The following SV2B variants were observed in gnomAD, a reference collection of about 807,000 sequenced individuals.
SV2B encodes solute carrier family 22 member B2.
A neutral mutation model predicts 73.9 loss-of-function variants in SV2B; 41 were observed. The ratio of observed to expected loss-of-function variants is 0.56; its 90% CI spans 0.43 to 0.72. SV2B has a LOEUF of 0.72. Ranked by LOEUF, SV2B falls within the 30% of genes least tolerant of loss-of-function variation. The pLI, the probability that SV2B is intolerant of heterozygous loss-of-function variation, is 0.00. For missense variants in SV2B, 764 were observed against 857.8 expected (o/e 0.89, Z 1.37); for synonymous variants, 314 against 314.2 (o/e 1.00, Z 0.01).
intron 1 of SV2B, among the ~76,000 whole-genome samples, chr15:91,150,524 T>A (rs1413818154): frequency 3.3e-5 from 5 of 152,254 alleles, no homozygotes; most frequent in African/African-American, 1.2e-4. Context: ...TTTGTCCTTC[T>A]GTTATTAAAA....
intron 6 of SV2B, among the ~76,000 whole-genome samples, chr15:91,262,378 T>C (rs957706228): frequency 6.6e-6 from 1 of 152,244 alleles, no homozygotes; most frequent in African/African-American, 2.4e-5. Flanking sequence ...ATAAATTTTA[T>C]GGAAAATTCC....
intron 1 of SV2B, among the ~76,000 whole-genome samples, chr15:91,177,696 CTG>C (rs1478516510): frequency 8.3e-5 from 10 of 121,018 alleles, no homozygotes; most frequent in African/African-American, 2.3e-4. Context: ...CTCTGTTTGT[CTG>C]TTATTGGTGT....
intron 9 of SV2B, among the ~76,000 whole-genome samples, chr15:91,278,339 T>C (rs1415561649): frequency 6.6e-6 from 1 of 152,012 alleles, no homozygotes; most frequent in African/African-American, 2.4e-5. Flanking sequence ...AGACTCTTCA[T>C]TTTTTGGAGG....
chr15:91,226,811 A>C, intron 2 of SV2B, 97 bp downstream of exon 2: 1 of 1,394,648 alleles, frequency 7.2e-7, no homozygotes, highest in Non-Finnish European at 9.6e-7. Flanking sequence ...ATATATCACA[A>C]TGTACCCATT....
chr15:91,213,437 C>T (rs1355794711), intron 1 of SV2B, among the ~76,000 whole-genome samples: 3 of 152,116 alleles, frequency 2.0e-5, no homozygotes, highest in African/African-American at 7.2e-5. Flanking sequence ...CTCTCTGAGC[C>T]TTAGTTATCT....
intron 1 of SV2B, among the ~76,000 whole-genome samples, chr15:91,172,898 C>G (rs892428834): frequency 6.6e-6 from 1 of 151,904 alleles, no homozygotes; most frequent in Admixed American, 6.6e-5. Context: ...GCCAAGTACA[C>G]CGAGATGAGT....
intron 1 of SV2B, among the ~76,000 whole-genome samples, chr15:91,207,104 G>T (rs535655166): frequency 4.0e-5 from 6 of 151,834 alleles, no homozygotes; most frequent in African/African-American, 1.4e-4. Flanking sequence ...AGCTCTCACT[G>T]CAGTCTTCCC....
At position 91,207,962 on chromosome 15, in the gene SV2B, G is replaced by A. The variant is rs151002653; in HGVS notation, c.-391-17911G>A. Among the ~76,000 whole-genome samples, 16 of 152,278 alleles carry A rather than the reference G, an allele frequency of 1.1e-4. No individual in the cohort carries two copies. The East Asian group carries it at 1.3e-3, about 13-fold the overall frequency. ...GAGAGTGACTTTCCCAGGTTTTATC[G>A]CCTGCATCAGGGAAGAAGGGGCAAG... On this transcript the variant is annotated intron_variant, in intron 1 of 12. Coordinates refer to ENST00000394232, the MANE Select transcript of SV2B (RefSeq NM_001323032.3).
intron 1 of SV2B, among the ~76,000 whole-genome samples, chr15:91,159,810 T>C (rs1046953158): frequency 2.6e-5 from 4 of 152,336 alleles, no homozygotes; most frequent in African/African-American, 9.6e-5. Flanking sequence ...AAATTATCAC[T>C]GTATGCTTCT....
Position 91,280,441 on chromosome 15 carries a change from G to T in SV2B, c.1374-1287G>T, listed in dbSNP as rs759035875. On this transcript the variant is annotated intron_variant, in intron 9 of 12. Coordinates refer to ENST00000394232, the MANE Select transcript of SV2B (RefSeq NM_001323032.3). The surrounding 1 kb of genome is among the most constrained non-coding windows in gnomAD (Gnocchi z 5.8). ...CATGACTTTCCTCTCTATACTCATA[G>T]CACCTAGTACCATGCTCAGTGTTTG... Among the ~76,000 whole-genome samples the T allele has an allele frequency of 3.9e-5, 6 of 152,188 alleles. No homozygotes were observed. The highest frequency in any genetic ancestry group is 1.5e-5 in the Non-Finnish European group (1 of 68,032).
intron 1 of SV2B, among the ~76,000 whole-genome samples, chr15:91,173,933 A>C (rs8036724): frequency 0.033 from 5,007 of 152,154 alleles, 309 homozygotes; most frequent in African/African-American, 0.11. Flanking sequence ...TTTCCATTTC[A>C]TCCTTGGGAT....
intron 11 of SV2B, among the ~76,000 whole-genome samples, chr15:91,286,388 A>G (rs16945519): frequency 0.028 from 4,257 of 152,280 alleles, 217 homozygotes; most frequent in African/African-American, 0.097. Flanking sequence ...TCTTGTTATC[A>G]GCGGAGTAGA....
At chr15:91,279,575 C>T (rs143199267) in intron 9 of SV2B, among the ~76,000 whole-genome samples, 12 of 152,178 alleles carry the variant, frequency 7.9e-5, no homozygotes, top group Admixed American at 2.0e-4. Flanking sequence ...GCCCTTTCTC[C>T]TTTTATCTCT....
chr15:91,201,716 G>A (rs897645206), intron 1 of SV2B, among the ~76,000 whole-genome samples: 1 of 152,164 alleles, frequency 6.6e-6, no homozygotes, highest in African/African-American at 2.4e-5. Context: ...TTCCTTTGTT[G>A]CTATCACATC....
rs548043040 is a variant in SV2B at position 91,289,371 on chromosome 15, C to G, written c.1709-150C>G. 5 of 979,638 alleles carry G rather than the reference C, an allele frequency of 5.1e-6. No homozygotes were observed. The highest frequency in any genetic ancestry group is 4.8e-5 in the African/African-American group (3 of 61,972). The allele number at this position is 979,638 out of a possible 1,614,324, so 60.7% of individuals were successfully genotyped here. A position where few individuals can be genotyped will look rare whatever the true frequency, so the allele number is the denominator to read the frequency against. On this transcript the variant is annotated intron_variant, in intron 11 of 12. Coordinates refer to ENST00000394232, the MANE Select transcript of SV2B (RefSeq NM_001323032.3). The surrounding 1 kb of genome is among the most constrained non-coding windows in gnomAD (Gnocchi z 4.9). ...GCCTTGTGAGGATTCCAGCTGTGCT[C>G]TCTCTGTGTGGAGGGTGAACCTAAT...
intron 1 of SV2B, among the ~76,000 whole-genome samples, chr15:91,144,662 C>A (rs1002969317): frequency 2.0e-5 from 3 of 152,174 alleles, no homozygotes; most frequent in Non-Finnish European, 4.4e-5. Flanking sequence ...GACCACCAAA[C>A]CATTTGCATT....
chr15:91,129,072 C>T lies in SV2B; in HGVS notation c.-392+28709C>T, dbSNP rs371506821. On this transcript the variant is annotated intron_variant, in intron 1 of 12. Transcript: ENST00000394232. This position sits in a 1 kb window ranked among gnomAD's most constrained non-coding sequence, Gnocchi z 5.1. ...AGGGCCAGGGAGCCCTTGGCCCCTACATGGCCACATGTAAGTCTTATGTCC... is the reference window on the plus strand; with the variant it reads ...AGGGCCAGGGAGCCCTTGGCCCCTATATGGCCACATGTAAGTCTTATGTCC... 1.3e-5 allele frequency among the ~76,000 whole-genome samples: 2 copies of T among 152,210 alleles called. No homozygotes were observed. Among genetic ancestry groups the T allele is most frequent in the South Asian group, 4.1e-4 (2 of 4,832 alleles).
intron 1 of SV2B, among the ~76,000 whole-genome samples, chr15:91,186,197 T>C (rs977741045): frequency 6.6e-6 from 1 of 152,190 alleles, no homozygotes; most frequent in African/African-American, 2.4e-5. Context: ...AAGGCTGAGA[T>C]GGATTTATTT....
intron 1 of SV2B, among the ~76,000 whole-genome samples, chr15:91,215,830 A>T: frequency 6.6e-6 from 1 of 152,320 alleles, no homozygotes; most frequent in African/African-American, 2.4e-5. Flanking sequence ...GTTTTGATAA[A>T]CATACTTCTC....
Sources: allele counts gnomAD v4.1 joint callset (sites outside exome capture counted in the v4.1 genomes callset), GRCh38; gene constraint gnomAD v4.1.1; non-coding constraint Gnocchi (gnomAD v3.1); transcripts MANE v1.5; gene names NCBI Gene and HGNC (gene_info 2026-07-23, HGNC 2026-07-21).